MORC1: variants seen among roughly 807,000 people sequenced by gnomAD.
MORC1 encodes the protein MORC family CW-type zinc finger protein 1.
In MORC1, 59 loss-of-function variants were observed where a neutral mutation model predicts 134.9. The ratio of observed to expected loss-of-function variants is 0.44; its 90% confidence interval spans 0.35 to 0.54. The LOEUF (loss-of-function observed/expected upper bound fraction) is 0.54, where lower values mean the gene tolerates loss of function less well. MORC1 is among the 20% of genes least tolerant of loss of function. The probability of loss-of-function intolerance (pLI) is 0.00; values close to 1 mark genes in which losing one functional copy is unlikely to be tolerated. For synonymous variants in MORC1, 395 were observed against 391.7 expected (o/e 1.01, Z -0.10); for missense variants, 947 against 1,134.5 (o/e 0.83, Z 2.37).
rs756014557 is a variant in MORC1, at chr3:109,062,061, G to A, written c.896-3C>T. On this transcript the variant is annotated splice_polypyrimidine_tract_variant and splice_region_variant and intron_variant, in intron 10 of 27. Transcript: ENST00000232603. ...TGCTTCTTTCAATATGGATTCAGCT[G>A]GAAGTAGAAGCCAAATAGTTATAAC... is the stretch of plus-strand genomic sequence containing the variant. The A allele has an allele frequency of 1.9e-6, 3 of 1,613,644 alleles. No homozygotes were observed. The highest frequency in any genetic ancestry group is 2.5e-6 in the Non-Finnish European group (3 of 1,179,806).
At chr3:109,050,273 A>G (rs1243278068) in intron 14 of MORC1, among the ~76,000 whole-genome samples, 1 of 152,220 alleles carries the variant, frequency 6.6e-6, no homozygotes, top group Non-Finnish European at 1.5e-5. Flanking sequence ...TTAACAAAAT[A>G]CTATAGACTA....
chr3:109,044,278 G>A (rs929735150), intron 14 of MORC1, among the ~76,000 whole-genome samples: 1 of 151,540 alleles, frequency 6.6e-6, no homozygotes, highest in Non-Finnish European at 1.5e-5. Context: ...AAGCACCTGG[G>A]GAAAAAAAAA....
chr3:109,092,169 G>A (rs1182870742), intron 8 of MORC1, among the ~76,000 whole-genome samples: 1 of 152,136 alleles, frequency 6.6e-6, no homozygotes, highest in African/African-American at 2.4e-5. Context: ...TCTGACACCG[G>A]CATATTAATG....
At chr3:109,112,100 T>C (rs2107805542) in intron 2 of MORC1, among the ~76,000 whole-genome samples, 1 of 152,360 alleles carries the variant, frequency 6.6e-6, no homozygotes, top group South Asian at 2.1e-4. Flanking sequence ...GCCACTGTAC[T>C]GAAATGTAAG....
intron 21 of MORC1, among the ~76,000 whole-genome samples, chr3:108,990,015 A>T (rs997740989): frequency 2.0e-5 from 3 of 152,012 alleles, no homozygotes; most frequent in African/African-American, 7.2e-5. Context: ...AAGTCTCATG[A>T]GATCTGATGG....
chr3:109,004,269 G>C (rs1948484569), intron 20 of MORC1, among the ~76,000 whole-genome samples: 1 of 152,106 alleles, frequency 6.6e-6, no homozygotes, highest in African/African-American at 2.4e-5. Context: ...ATTTTCTATG[G>C]TGAACAATAT....
rs1367802233 is a variant in MORC1, at chr3:109,110,481, C to T, written c.154+268G>A. On this transcript the variant is annotated intron_variant, in intron 3 of 27. Transcript: ENST00000232603. ...TTAAAAATAAAACTGTTTCTCATGG[C>T]AGGCAAATTGAGTGCTCCAAATCAC... The T allele has an allele frequency of 1.1e-5, 4 of 380,454 alleles. No homozygotes were observed. The East Asian group carries it at 1.7e-4, about 16-fold the overall frequency. The allele number at this position is 380,454 out of a possible 1,614,324, so 23.6% of individuals were successfully genotyped here.
chr3:109,016,600 T>C (rs1385841527), intron 17 of MORC1, among the ~76,000 whole-genome samples: 1 of 152,150 alleles, frequency 6.6e-6, no homozygotes, highest in Non-Finnish European at 1.5e-5. Context: ...CAGTGGCTCA[T>C]GCCTGTAATC....
intron 8 of MORC1, among the ~76,000 whole-genome samples, chr3:109,084,499 T>G (rs1950580855): frequency 1.3e-5 from 2 of 151,968 alleles, no homozygotes; most frequent in African/African-American, 4.8e-5. Flanking sequence ...TGAAAGAAAC[T>G]GAAGAGAATT....
At chr3:108,985,243 G>C (rs1354233382) in intron 22 of MORC1, among the ~76,000 whole-genome samples, 1 of 152,198 alleles carries the variant, frequency 6.6e-6, no homozygotes, top group Non-Finnish European at 1.5e-5. Flanking sequence ...GAGTCATTTA[G>C]TTAGTCTTCT....
chr3:109,054,909 T>C, intron 13 of MORC1, 27 bp from the exon 14 acceptor site: 4 of 1,567,984 alleles, frequency 2.6e-6, no homozygotes, highest in Non-Finnish European at 2.6e-6. Context: ...ATATTTAAAT[T>C]TTGAAAATTT....
At chr3:109,063,087 A>G in intron 10 of MORC1, 65 bp downstream of exon 10, 1 of 1,202,856 alleles carries the variant, frequency 8.3e-7, no homozygotes, top group African/African-American at 1.5e-5. Context: ...TCTCAAAATA[A>G]GTGCACAATT....
intron 9 of MORC1, among the ~76,000 whole-genome samples, chr3:109,065,964 T>C (rs2107696068): frequency 6.6e-6 from 1 of 152,072 alleles, no homozygotes; most frequent in East Asian, 1.9e-4. Flanking sequence ...AGCTACACAC[T>C]GAGCACACAT....
rs148671260 is a variant in MORC1, at chr3:109,087,282, G to A, written c.689+6154C>T. 3.4e-3 allele frequency among the ~76,000 whole-genome samples: 510 copies of A among 152,116 alleles called. 11 individuals are homozygous for A. Among genetic ancestry groups the A allele is most frequent in the African/African-American group, 0.012 (489 of 41,484 alleles). On this transcript the variant is annotated intron_variant, in intron 8 of 27. Transcript: ENST00000232603. Reference sequence around the variant, plus strand: ...ATCCAAATAGGAAGAGAGGAAGCCAGACTACGTGTGTTTGCAAACGACATG... The same window carrying A: ...ATCCAAATAGGAAGAGAGGAAGCCAAACTACGTGTGTTTGCAAACGACATG...
intron 23 of MORC1, among the ~76,000 whole-genome samples, chr3:108,983,863 G>T (rs886186244): frequency 6.6e-6 from 1 of 152,102 alleles, no homozygotes; most frequent in Non-Finnish European, 1.5e-5. Context: ...GACAAAGGGG[G>T]GATGAGAAGA....
chr3:109,000,483 G>C, intron 21 of MORC1, 74 bp downstream of exon 21: 1 of 1,108,034 alleles, frequency 9.0e-7, no homozygotes, highest in Admixed American at 2.4e-5. Context: ...ACTACTTTGA[G>C]ACACTAACAG....
chr3:109,060,247 G>A (rs146003444), intron 11 of MORC1, among the ~76,000 whole-genome samples: 50 of 145,246 alleles, frequency 3.4e-4, no homozygotes, highest in African/African-American at 9.6e-4. Flanking sequence ...ATGTGACCAC[G>A]AAGTGTTTTT....
intron 21 of MORC1, among the ~76,000 whole-genome samples, chr3:108,991,177 G>A (rs948284548): frequency 1.3e-5 from 2 of 152,142 alleles, no homozygotes; most frequent in South Asian, 2.1e-4. Context: ...AGCCATGGAA[G>A]TGTTCTGAGT....
At chr3:109,043,890 T>C (rs146125580) in intron 14 of MORC1, among the ~76,000 whole-genome samples, 2 of 152,268 alleles carry the variant, frequency 1.3e-5, no homozygotes, top group Non-Finnish European at 2.9e-5. Flanking sequence ...TATCCACCTA[T>C]AAAAAGAGCC....
Sources: allele counts gnomAD v4.1 joint callset (sites outside exome capture counted in the v4.1 genomes callset), GRCh38; gene constraint gnomAD v4.1.1; transcripts MANE v1.5; gene names NCBI Gene and HGNC (gene_info 2026-07-23, HGNC 2026-07-21).